The following EPHA3 variants were observed in gnomAD, a reference collection of about 807,000 sequenced individuals.
The protein encoded by EPHA3 is ephrin type-A receptor 3.
A neutral mutation model predicts 107.1 loss-of-function variants in EPHA3; 42 were observed. The observed-to-expected ratio is 0.39, with a 90% CI of 0.31 to 0.51. EPHA3 has a LOEUF of 0.51. Ranked by LOEUF, EPHA3 falls within the 20% of genes least tolerant of loss-of-function variation. The pLI, the probability that EPHA3 is intolerant of heterozygous loss-of-function variation, is 0.78. For missense variants in EPHA3, 1,183 were observed against 1,211.2 expected (o/e 0.98, Z 0.35); for synonymous variants, 461 against 424.8 (o/e 1.09, Z -1.05).
chr3:89,460,649 A>G (rs1217558118), intron 15 of EPHA3, among the ~76,000 whole-genome samples: 27 of 148,086 alleles, frequency 1.8e-4, no homozygotes, highest in African/African-American at 2.5e-4. Context: ...GACAAATACC[A>G]TATCCTTCAA....
chr3:89,265,824 CCTT>C (rs1705526646), intron 3 of EPHA3, among the ~76,000 whole-genome samples: 1 of 152,036 alleles, frequency 6.6e-6, no homozygotes, highest in East Asian at 1.9e-4. Flanking sequence ...ACCTGGGCAA[CCTT>C]CTTTTTGTAC....
rs187761995 is a variant in EPHA3, at chr3:89,385,621, G to C, written c.1307-10216G>C. Reference sequence around the variant, plus strand: ...ACCCAGTGTTGAGTAGTTCTTTATAGCAGTGTGAGAGAAGACTAATATAGT... The same window carrying C: ...ACCCAGTGTTGAGTAGTTCTTTATACCAGTGTGAGAGAAGACTAATATAGT... On this transcript the variant is annotated intron_variant, in intron 5 of 16. Transcript: ENST00000336596. Among the ~76,000 whole-genome samples, 3 of 152,232 alleles carry C rather than the reference G, an allele frequency of 2.0e-5. No homozygotes were observed. In the East Asian group the frequency reaches 5.8e-4, roughly 29 times the overall value.
At chr3:89,400,762 G>A (rs1308241337) in intron 7 of EPHA3, among the ~76,000 whole-genome samples, 1 of 151,810 alleles carries the variant, frequency 6.6e-6, no homozygotes, top group East Asian at 1.9e-4. Flanking sequence ...TTTCTTACAG[G>A]GCACAAACCA....
chr3:89,315,106 T>G (rs1365938875), intron 3 of EPHA3, among the ~76,000 whole-genome samples: 1 of 151,810 alleles, frequency 6.6e-6, no homozygotes, highest in African/African-American at 2.4e-5. Flanking sequence ...ATCTTATGGG[T>G]CCACTGTCAT....
At chr3:89,350,136 T>A in intron 5 of EPHA3, among the ~76,000 whole-genome samples, 1 of 151,034 alleles carries the variant, frequency 6.6e-6, no homozygotes, top group African/African-American at 2.4e-5. Flanking sequence ...TGGCATTCTC[T>A]GTATTTCCTG....
At chr3:89,285,047 C>T (rs1706046340) in intron 3 of EPHA3, among the ~76,000 whole-genome samples, 2 of 152,076 alleles carry the variant, frequency 1.3e-5, no homozygotes, top group East Asian at 1.9e-4. Flanking sequence ...ATCACTAAAC[C>T]CAGGGGGCAG....
chr3:89,190,827 T>G lies in EPHA3; in HGVS notation c.154-19033T>G, dbSNP rs528255994. ...GTCTCTTCACATTGTCTTCCCTCAA[T>G]ATATGTCTGTGTCCAAATTTCCTCT... On this transcript the variant is annotated intron_variant, in intron 2 of 16. Transcript: ENST00000336596. 2.0e-5 allele frequency among the ~76,000 whole-genome samples: 3 copies of G among 152,298 alleles called. No individual in the cohort carries two copies. In the East Asian group the frequency reaches 5.8e-4, roughly 29 times the overall value.
chr3:89,330,478 C>T (rs575712554), intron 3 of EPHA3, among the ~76,000 whole-genome samples: 19 of 151,176 alleles, frequency 1.3e-4, no homozygotes, highest in African/African-American at 3.2e-4. Flanking sequence ...TAATAAATTT[C>T]GAAAAATAAA....
chr3:89,226,710 A>T (rs147292581), intron 3 of EPHA3, among the ~76,000 whole-genome samples: 1 of 152,234 alleles, frequency 6.6e-6, no homozygotes, highest in Non-Finnish European at 1.5e-5. Flanking sequence ...TTTTAAAACA[A>T]GGCATGTCAT....
intron 1 of EPHA3, among the ~76,000 whole-genome samples, chr3:89,108,936 C>A (rs1474687322): frequency 6.6e-6 from 1 of 152,162 alleles, no homozygotes; most frequent in Admixed American, 6.5e-5. Flanking sequence ...GATGTGCAAA[C>A]ATCATGTTAT....
At chr3:89,163,852 A>C (rs1358281748) in intron 2 of EPHA3, among the ~76,000 whole-genome samples, 1 of 152,174 alleles carries the variant, frequency 6.6e-6, no homozygotes, top group African/African-American at 2.4e-5. Context: ...CCCATTCTAA[A>C]GTGACTGTTT....
chr3:89,363,061 C>G (rs1708124653), intron 5 of EPHA3, among the ~76,000 whole-genome samples: 1 of 150,850 alleles, frequency 6.6e-6, no homozygotes, highest in Non-Finnish European at 1.5e-5. Flanking sequence ...TCTATCTACT[C>G]TCTTTTTAAA....
chr3:89,421,831 C>G (rs1227514119), intron 11 of EPHA3, among the ~76,000 whole-genome samples: 2 of 151,150 alleles, frequency 1.3e-5, no homozygotes, highest in Non-Finnish European at 3.0e-5. Context: ...ATGAAACAAT[C>G]TCTAAGACAA....
chr3:89,190,429 G>C (rs1030233842), intron 2 of EPHA3, among the ~76,000 whole-genome samples: 2 of 150,550 alleles, frequency 1.3e-5, no homozygotes, highest in Non-Finnish European at 3.0e-5. Flanking sequence ...TATAAACATA[G>C]GCTTTATTTT....
chr3:89,391,020 A>G (rs1458401585), intron 5 of EPHA3, among the ~76,000 whole-genome samples: 1 of 151,966 alleles, frequency 6.6e-6, no homozygotes, highest in Non-Finnish European at 1.5e-5. Context: ...TCCTGACTGC[A>G]GGTGATCCAT....
In EPHA3 at chr3:89,319,961, G is replaced by A. The variant is rs1160038304; in HGVS notation, c.815-20955G>A. Among the ~76,000 whole-genome samples the A allele has an allele frequency of 3.3e-5, 5 of 151,564 alleles. No homozygotes were observed. In the South Asian group the frequency reaches 8.3e-4, roughly 25 times the overall value. On this transcript the variant is annotated intron_variant, in intron 3 of 16. Coordinates refer to ENST00000336596, the MANE Select transcript of EPHA3 (RefSeq NM_005233.6). ...GCTATATACAATAACAGAACAAAGTGGTATTTATAAATGCCTTACAGGTAC... is the reference window on the plus strand; with the variant it reads ...GCTATATACAATAACAGAACAAAGTAGTATTTATAAATGCCTTACAGGTAC...
chr3:89,278,392 T>C (rs1705860836), intron 3 of EPHA3, among the ~76,000 whole-genome samples: 1 of 152,122 alleles, frequency 6.6e-6, no homozygotes, highest in Non-Finnish European at 1.5e-5. Flanking sequence ...AGAAGAGTCA[T>C]GGAAACACGA....
chr3:89,124,245 T>C (rs1704040288), intron 1 of EPHA3, among the ~76,000 whole-genome samples: 2 of 152,278 alleles, frequency 1.3e-5, no homozygotes, highest in African/African-American at 4.8e-5. Context: ...TGTATCAGTG[T>C]GAGATTTAAG....
intron 3 of EPHA3, among the ~76,000 whole-genome samples, chr3:89,278,764 C>T (rs1156556372): frequency 5.9e-5 from 9 of 152,244 alleles, no homozygotes; most frequent in South Asian, 2.1e-4. Context: ...GCATTTCTGA[C>T]GACTAGGCCC....
Sources: allele counts gnomAD v4.1 joint callset (sites outside exome capture counted in the v4.1 genomes callset), GRCh38; gene constraint gnomAD v4.1.1; transcripts MANE v1.5; gene names NCBI Gene and HGNC (gene_info 2026-07-23, HGNC 2026-07-21).